Variants in OCA2 observed in about 807,000 individuals in gnomAD.
OCA2 encodes OCA2 melanosomal transmembrane protein.
A neutral mutation model predicts 100.2 loss-of-function variants in OCA2; 77 were observed. The ratio of observed to expected loss-of-function variants is 0.77; its 90% CI spans 0.64 to 0.93. OCA2 has a LOEUF of 0.93. OCA2 is among the 40% of genes least tolerant of loss of function. OCA2 has a pLI of 0.00. For missense variants in OCA2, 1,062 were observed against 1,089.1 expected, an observed-to-expected ratio of 0.98 and a Z score of 0.35; for synonymous variants, 432 against 439.2, an observed-to-expected ratio of 0.98 and a Z score of 0.21.
intron 19 of OCA2, among the ~76,000 whole-genome samples, chr15:27,872,701 T>C (rs2036630209): frequency 6.6e-6 from 1 of 151,742 alleles, no homozygotes; most frequent in African/African-American, 2.4e-5. Context: ...ATTTTTTTTT[T>C]TTTTTTGAGA....
intron 1 of OCA2, among the ~76,000 whole-genome samples, chr15:28,082,478 C>T (rs533322346): frequency 5.9e-5 from 9 of 152,260 alleles, no homozygotes; most frequent in African/African-American, 1.7e-4. Flanking sequence ...GAACCAACTC[C>T]GGACACCCTA....
At chr15:27,750,985 G>C (rs887083844), downstream of OCA2, among the ~76,000 whole-genome samples, 1 of 152,164 alleles carries the variant, frequency 6.6e-6, no homozygotes, top group African/African-American at 2.4e-5. Context: ...AGAGAGGTCA[G>C]CCAGGTGCAT....
chr15:28,011,590 C>A (rs971396569), intron 9 of OCA2, among the ~76,000 whole-genome samples: 1 of 151,874 alleles, frequency 6.6e-6, no homozygotes, highest in Non-Finnish European at 1.5e-5. Flanking sequence ...GCAATAAGTT[C>A]TCAGACTTGA....
chr15:27,867,970 C>T (rs948289950), intron 21 of OCA2, among the ~76,000 whole-genome samples: 3 of 152,194 alleles, frequency 2.0e-5, no homozygotes, highest in African/African-American at 7.2e-5. Context: ...AGGGAGCTGC[C>T]TTCATGAATT....
chr15:27,762,401 CA>C (rs1416041786), intron 23 of OCA2, among the ~76,000 whole-genome samples: 1 of 152,190 alleles, frequency 6.6e-6, no homozygotes, highest in Non-Finnish European at 1.5e-5. Context: ...TGCAGGACCT[CA>C]AAAACCTAAA....
At chr15:27,876,418 ATACGTTTGTC>A (rs1186590951) in intron 19 of OCA2, among the ~76,000 whole-genome samples, 2 of 152,010 alleles carry the variant, frequency 1.3e-5, no homozygotes. Context: ...TTTTCACATA[ATACGTTTGTC>A]TTAATATCAG....
intron 23 of OCA2, among the ~76,000 whole-genome samples, chr15:27,818,467 C>T (rs886983500): frequency 7.2e-5 from 11 of 152,158 alleles, no homozygotes; most frequent in African/African-American, 2.7e-4. Context: ...GTATAGGAAA[C>T]AGAAGACATA....
the OCA2 span, among the ~76,000 whole-genome samples, chr15:27,729,253 T>C: frequency 8.6e-5 from 13 of 151,922 alleles, no homozygotes; most frequent in African/African-American, 3.1e-4. Flanking sequence ...TCCCTCACTT[T>C]CTTCTGTTTC....
chr15:28,027,929 A>G lies in OCA2; in HGVS notation c.457T>C (p.Ser153Pro), dbSNP rs943845807. 1 of 1,614,010 alleles carries G rather than the reference A, an allele frequency of 6.2e-7. No individual in the cohort carries two copies. The highest frequency in any genetic ancestry group is 1.3e-5 in the African/African-American group (1 of 74,926). ...CTGTCCAGAAGGTCTCCCTTCTCGG[A>G]GGAGGCAGATGCAGACAGACCAGAC... is the stretch of plus-strand genomic sequence containing the variant. ...EVSGLSASAS[S>P]EKGDLLDSPH... Residue 153 changes from serine (S) to proline (P), a missense_variant, in exon 4 of 24, where the codon TCC becomes CCC. Coordinates refer to ENST00000354638, the MANE Select transcript of OCA2 (RefSeq NM_000275.3).
intron 12 of OCA2, among the ~76,000 whole-genome samples, 196 bp from the exon 13 acceptor site, chr15:27,985,384 C>A (rs1047214807): frequency 1.3e-5 from 2 of 152,128 alleles, no homozygotes; most frequent in African/African-American, 4.8e-5. Flanking sequence ...ATTCTAAATC[C>A]TCCCTAGCCA....
Position 27,963,871 on chromosome 15 carries a change from A to G in OCA2, c.1636+2819T>C, listed in dbSNP as rs188449349. Among the ~76,000 whole-genome samples, 266 of 152,272 alleles carry G rather than the reference A, an allele frequency of 1.7e-3. 3 individuals carry two copies. Among genetic ancestry groups the G allele is most frequent in the African/African-American group, 6.0e-3 (248 of 41,584 alleles). ...GATAAACCAACCAAAGAGAGAGAGA[A>G]GACACAAACTATCAAACTACCAACA... On this transcript the variant is annotated intron_variant, in intron 15 of 23. Coordinates refer to ENST00000354638, the MANE Select transcript of OCA2 (RefSeq NM_000275.3).
intron 15 of OCA2, among the ~76,000 whole-genome samples, chr15:27,963,186 G>A (rs189094281): frequency 2.2e-4 from 34 of 152,242 alleles, no homozygotes; most frequent in African/African-American, 8.2e-4. Context: ...ATCAACCTTA[G>A]ACACGTCTGT....
intron 1 of OCA2, among the ~76,000 whole-genome samples, chr15:28,093,345 C>A (rs922730070): frequency 6.6e-6 from 1 of 151,448 alleles, no homozygotes; most frequent in Non-Finnish European, 1.5e-5. Context: ...TCACTTGAAA[C>A]CAGGAGGTGG....
At chr15:27,825,417 T>C (rs1375536748) in intron 23 of OCA2, among the ~76,000 whole-genome samples, 1 of 152,076 alleles carries the variant, frequency 6.6e-6, no homozygotes, top group Non-Finnish European at 1.5e-5. Flanking sequence ...GAAGGAACCT[T>C]AGGCAGGAGG....
chr15:28,018,705 T>G lies in OCA2; in HGVS notation c.647-148A>C, dbSNP rs1595831189. On this transcript the variant is annotated intron_variant, in intron 6 of 23. Coordinates refer to ENST00000354638, the MANE Select transcript of OCA2 (RefSeq NM_000275.3). The stretch of plus-strand genomic sequence containing the variant: ...CCCTTGGCCATTAACACGATCTTCC[T>G]GCCTTTCTTATTACCCACATCTCAG... The G allele has an allele frequency of 9.4e-6, 7 of 742,654 alleles. No homozygotes were observed. The East Asian group carries it at 1.9e-4, about 20-fold the overall frequency. 46.0% of individuals were successfully genotyped at this position (742,654 alleles called of 1,614,324 possible).
intron 23 of OCA2, among the ~76,000 whole-genome samples, chr15:27,816,739 T>C (rs1212519136): frequency 6.6e-6 from 1 of 152,092 alleles, no homozygotes; most frequent in East Asian, 1.9e-4. Flanking sequence ...CTTATAAATA[T>C]TCCCCGTAAT....
At chr15:27,783,636 C>T (rs536773934) in intron 23 of OCA2, among the ~76,000 whole-genome samples, 8 of 152,268 alleles carry the variant, frequency 5.3e-5, no homozygotes, top group South Asian at 2.1e-4. Context: ...AAGCTTCTCA[C>T]GAATTGGCAA....
rs184886795 is a variant in OCA2 at position 27,936,625 on chromosome 15, A to G, written c.1952-10371T>C. 8.5e-4 allele frequency among the ~76,000 whole-genome samples: 129 copies of G among 152,152 alleles called. 1 individual carries two copies. Among genetic ancestry groups the G allele is most frequent in the African/African-American group, 2.9e-3 (122 of 41,506 alleles). ...ATTACCTGATTCAATCCTCACAGCA[A>G]TTTTAAAGCCTAGCTCCAACACTCA... On this transcript the variant is annotated intron_variant, in intron 18 of 23. Transcript: ENST00000354638.
At chr15:27,847,108 A>T (rs1318423455) in intron 22 of OCA2, among the ~76,000 whole-genome samples, 1 of 152,186 alleles carries the variant, frequency 6.6e-6, no homozygotes, top group Non-Finnish European at 1.5e-5. Context: ...ATCCCCTTGC[A>T]GAAGTCCTTC....
Sources: gnomAD v4.1 joint callset for allele counts (sites outside exome capture counted in the v4.1 genomes callset) on GRCh38, gnomAD v4.1.1 for gene constraint, MANE v1.5 for transcripts, NCBI Gene and HGNC (gene_info 2026-07-23, HGNC 2026-07-21) for gene names.